Variants in MCC observed in about 807,000 individuals in gnomAD.
MCC encodes the protein colorectal mutant cancer protein.
A neutral mutation model predicts 116.2 loss-of-function variants in MCC; 90 were observed. The observed-to-expected ratio is 0.77, with a 90% CI of 0.65 to 0.92. The LOEUF (loss-of-function observed/expected upper bound fraction) is 0.92. Among genes scored for constraint, MCC ranks in the 40% least tolerant of loss-of-function variants. The probability of loss-of-function intolerance (pLI) is 0.00; values close to 1 mark genes in which losing one functional copy is unlikely to be tolerated. For missense variants in MCC, 1,516 were observed against 1,312.2 expected, an observed-to-expected ratio of 1.16 and a Z score of -2.40; for synonymous variants, 578 against 510.5, an observed-to-expected ratio of 1.13 and a Z score of -1.78.
chr5:113,487,389 C>G lies in MCC; in HGVS notation c.170+856G>C, dbSNP rs892253250. On this transcript the variant is annotated intron_variant, in intron 1 of 18. Coordinates refer to ENST00000408903, the MANE Select transcript of MCC (RefSeq NM_001085377.2). ...GCCGGTGTCAACCATTCAATAGAAGCATACCAGAAAATGTTGCGATTGCCT... is the reference window on the plus strand; with the variant it reads ...GCCGGTGTCAACCATTCAATAGAAGGATACCAGAAAATGTTGCGATTGCCT... Among the ~76,000 whole-genome samples, 5 of 152,230 alleles carry G rather than the reference C, an allele frequency of 3.3e-5. No homozygotes were observed. The South Asian group carries it at 1.0e-3, about 32-fold the overall frequency.
chr5:113,327,587 A>ATATATATATATATATATATATATAT (rs1561525261), intron 3 of MCC, among the ~76,000 whole-genome samples: 2 of 96,626 alleles, frequency 2.1e-5, no homozygotes, highest in African/African-American at 4.2e-5. Context: ...TATATATATA[A>ATATATATATATATATATATATATAT]AAATCTCATC....
chr5:113,407,875 C>T (rs1159816225), intron 1 of MCC, among the ~76,000 whole-genome samples: 1 of 152,136 alleles, frequency 6.6e-6, no homozygotes, highest in African/African-American at 2.4e-5. Context: ...TCAACTCCCA[C>T]TTACGTAAAC....
In MCC at chr5:113,032,346, T is replaced by C. The variant is rs565835612; in HGVS notation, c.2757-3290A>G. Among the ~76,000 whole-genome samples the C allele has an allele frequency of 6.8e-5, 10 of 146,916 alleles. No homozygotes were observed. The South Asian group carries it at 2.1e-3, about 31-fold the overall frequency. On this transcript the variant is annotated intron_variant, in intron 17 of 18. Transcript: ENST00000408903. ...TCGCTTGAACCTGGGAGGTGGAGGT[T>C]GCAGTAAGCCGAGATCGCGCCACTG...
Position 113,024,238 on chromosome 5 carries a change from A to G in MCC, c.*3064T>C, listed in dbSNP as rs1347411810. The G allele has an allele frequency of 4.6e-5, 7 of 152,250 alleles. 1 individual carries two copies. The highest frequency in any genetic ancestry group is 4.6e-4 in the Admixed American group (7 of 15,290). 9.4% of individuals were successfully genotyped at this position (152,250 alleles called of 1,614,324 possible). ...TTTAAAAGTTAAGTGCTAGTTAAAC[A>G]TAACATTTGTTTCAGGCAGCATGGA... On this transcript the variant is annotated 3_prime_UTR_variant, in exon 19 of 19. Transcript: ENST00000408903.
At chr5:113,458,393 C>A (rs1303216970) in intron 1 of MCC, among the ~76,000 whole-genome samples, 2 of 151,648 alleles carry the variant, frequency 1.3e-5, no homozygotes, top group South Asian at 2.1e-4. Context: ...GCCAGCGGGA[C>A]CACGAACCCA....
At chr5:113,316,506 C>T (rs1320031958) in intron 3 of MCC, among the ~76,000 whole-genome samples, 1 of 152,112 alleles carries the variant, frequency 6.6e-6, no homozygotes, top group Non-Finnish European at 1.5e-5. Context: ...TCCTAGAGCT[C>T]ATTTATATTT....
chr5:113,078,323 G>T (rs1260446590), intron 11 of MCC, among the ~76,000 whole-genome samples: 3 of 152,190 alleles, frequency 2.0e-5, no homozygotes, highest in Non-Finnish European at 4.4e-5. Flanking sequence ...GCATCATCCT[G>T]ATACCAAAAA....
chr5:113,295,261 A>T (rs1345845022), intron 3 of MCC, among the ~76,000 whole-genome samples: 1 of 152,108 alleles, frequency 6.6e-6, no homozygotes, highest in Non-Finnish European at 1.5e-5. Flanking sequence ...AAACCTAAAC[A>T]CTGTACATCA....
At chr5:113,429,573 G>C (rs1770573698) in intron 1 of MCC, among the ~76,000 whole-genome samples, 1 of 152,096 alleles carries the variant, frequency 6.6e-6, no homozygotes, top group African/African-American at 2.4e-5. Flanking sequence ...CTTTAGCTCT[G>C]CATCACTCCT....
At chr5:113,477,989 T>C (rs1772278530) in intron 1 of MCC, among the ~76,000 whole-genome samples, 1 of 152,204 alleles carries the variant, frequency 6.6e-6, no homozygotes, top group Non-Finnish European at 1.5e-5. Flanking sequence ...AATTGGCAGA[T>C]AAGAATTTTA....
intron 1 of MCC, among the ~76,000 whole-genome samples, chr5:113,441,792 G>A (rs1343068974): frequency 1.3e-5 from 2 of 152,136 alleles, no homozygotes; most frequent in East Asian, 3.9e-4. Context: ...TGAGAATGAC[G>A]GTTTCCAGCT....
rs181560853 is a variant in MCC, at chr5:113,183,138, G to T, written c.628-31716C>A. Among the ~76,000 whole-genome samples, 26 of 152,170 alleles carry T rather than the reference G, an allele frequency of 1.7e-4. No individual in the cohort carries two copies. In the East Asian group the frequency reaches 3.5e-3, roughly 20 times the overall value. On this transcript the variant is annotated intron_variant, in intron 3 of 18. Transcript: ENST00000408903. ...CCAGATGATACGCCTCACGCAGTGGGGGCTCCAGATCTCTCAGCGGCCCCA... is the reference window on the plus strand; with the variant it reads ...CCAGATGATACGCCTCACGCAGTGGTGGCTCCAGATCTCTCAGCGGCCCCA...
chr5:113,442,750 T>C (rs1771079494), intron 1 of MCC, among the ~76,000 whole-genome samples: 3 of 152,362 alleles, frequency 2.0e-5, no homozygotes, highest in East Asian at 3.9e-4. Context: ...ATTTATCAAA[T>C]AGGGAATCCT....
intron 1 of MCC, among the ~76,000 whole-genome samples, chr5:113,401,629 G>T (rs1380644886): frequency 1.3e-5 from 2 of 152,022 alleles, no homozygotes; most frequent in Non-Finnish European, 2.9e-5. Flanking sequence ...CACAGTTAGG[G>T]ACTGTTGCAT....
intron 1 of MCC, among the ~76,000 whole-genome samples, chr5:113,463,342 G>A (rs1329477335): frequency 6.6e-6 from 1 of 152,166 alleles, no homozygotes; most frequent in Admixed American, 6.5e-5. Context: ...TGCATTGGAG[G>A]GAGGCCAAAG....
At chr5:113,234,324 T>C (rs998993717) in intron 3 of MCC, 1 of 152,154 alleles carries the variant, frequency 6.6e-6, no homozygotes, top group Non-Finnish European at 1.5e-5. Context: ...ACTATAAGTC[T>C]TAAATCTTAT....
chr5:113,333,392 A>G (rs1036574306), intron 3 of MCC, among the ~76,000 whole-genome samples: 4 of 151,692 alleles, frequency 2.6e-5, no homozygotes, highest in African/African-American at 9.8e-5. Flanking sequence ...CTAAAGTAAA[A>G]AGGCTGCTTG....
Position 113,154,306 on chromosome 5 carries a change from G to A in MCC, c.628-2884C>T, listed in dbSNP as rs114608266. ...ACAGAAGGAAAACCTGTAACAATGA[G>A]GTAGAATAAAATATGTCTCTTACTG... On this transcript the variant is annotated intron_variant, in intron 3 of 18. Coordinates refer to ENST00000408903, the MANE Select transcript of MCC (RefSeq NM_001085377.2). Among the ~76,000 whole-genome samples the A allele has an allele frequency of 4.7e-3, 719 of 152,310 alleles. 8 individuals carry two copies. Among genetic ancestry groups the A allele is most frequent in the African/African-American group, 0.017 (701 of 41,572 alleles).
intron 3 of MCC, among the ~76,000 whole-genome samples, chr5:113,198,682 G>A (rs1196830441): frequency 6.7e-6 from 1 of 149,400 alleles, no homozygotes; most frequent in Non-Finnish European, 1.5e-5. Flanking sequence ...CTCCAGCCTG[G>A]GTGACACAGC....
Sources: gnomAD v4.1 joint callset for allele counts (sites outside exome capture counted in the v4.1 genomes callset) on GRCh38, gnomAD v4.1.1 for gene constraint, MANE v1.5 for transcripts, NCBI Gene and HGNC (gene_info 2026-07-23, HGNC 2026-07-21) for gene names.